Variants in NPC1 observed in about 807,000 individuals in gnomAD.
NPC1 encodes NPC intracellular cholesterol transporter 1.
In NPC1, 85 loss-of-function variants were observed where a neutral mutation model predicts 140.4. The observed-to-expected ratio is 0.61, with a 90% CI of 0.51 to 0.72. The LOEUF is 0.72. Among genes scored for constraint, NPC1 ranks in the 30% least tolerant of loss-of-function variants. The pLI, the probability that NPC1 is intolerant of heterozygous loss-of-function variation, is 0.00. For missense variants in NPC1, 1,504 were observed against 1,623.8 expected (o/e 0.93, Z 1.27); for synonymous variants, 656 against 624.8 (o/e 1.05, Z -0.74).
intron 3 of NPC1, among the ~76,000 whole-genome samples, chr18:23,570,244 C>A (rs2059181631): frequency 6.6e-6 from 1 of 152,162 alleles, no homozygotes; most frequent in Non-Finnish European, 1.5e-5. Context: ...TATATTTTTC[C>A]AAATATCAGG....
intron 15 of NPC1, 25 bp from the exon 16 acceptor site, chr18:23,541,233 G>A (rs1447908439): frequency 6.2e-7 from 1 of 1,614,218 alleles, no homozygotes; most frequent in Non-Finnish European, 8.5e-7. Flanking sequence ...GGAAACAAAG[G>A]TTATACCCGC....
intron 3 of NPC1, among the ~76,000 whole-genome samples, chr18:23,515,009 C>T (rs2057962293): frequency 6.6e-6 from 1 of 152,072 alleles, no homozygotes; most frequent in African/African-American, 2.4e-5. Flanking sequence ...ATGAACACAT[C>T]TGCTAGAAGA....
chr18:23,529,546 G>A, downstream of NPC1: 7 of 1,328,362 alleles, frequency 5.3e-6, no homozygotes. Context: ...ATTTTAAGAT[G>A]GAAACAAGGT....
intron 4 of NPC1, among the ~76,000 whole-genome samples, chr18:23,568,215 A>G (rs2059153784): frequency 6.6e-6 from 1 of 152,204 alleles, no homozygotes; most frequent in Non-Finnish European, 1.5e-5. Flanking sequence ...TTTCTGGACA[A>G]AATGACCTCT....
At chr18:23,521,795 C>CAG (rs1479471129), downstream of NPC1, among the ~76,000 whole-genome samples, 1 of 151,940 alleles carries the variant, frequency 6.6e-6, no homozygotes, top group Non-Finnish European at 1.5e-5. Flanking sequence ...TCTGAGGCCT[C>CAG]CCTCCTGGCA....
downstream of NPC1, chr18:23,529,613 GAC>G: frequency 6.2e-7 from 1 of 1,604,514 alleles, no homozygotes; most frequent in Non-Finnish European, 8.5e-7. Context: ...GTATTTGTAA[GAC>G]CACATTTTTT....
chr18:23,507,667 G>C (rs1033283234), intron 3 of NPC1, among the ~76,000 whole-genome samples: 1 of 152,182 alleles, frequency 6.6e-6, no homozygotes, highest in Non-Finnish European at 1.5e-5. Flanking sequence ...AAGTGTTAAA[G>C]TCTTGGGGAA....
chr18:23,554,396 A>G (rs1297459680), intron 9 of NPC1, among the ~76,000 whole-genome samples: 1 of 152,186 alleles, frequency 6.6e-6, no homozygotes, highest in Non-Finnish European at 1.5e-5. Flanking sequence ...GCCTGAGGTC[A>G]GGAGATTGAG....
intron 2 of NPC1, among the ~76,000 whole-genome samples, chr18:23,573,233 TGA>T (rs1481484117): frequency 6.6e-6 from 1 of 152,216 alleles, no homozygotes; most frequent in Admixed American, 6.5e-5. Context: ...GGAAACTTTA[TGA>T]GAGGTATAAA....
In NPC1 at chr18:23,568,824, A is replaced by G; in HGVS notation, c.462T>C (p.Asn154=). The G allele has an allele frequency of 1.2e-6, 2 of 1,613,496 alleles. No homozygotes were observed. Among genetic ancestry groups the G allele is most frequent in the Non-Finnish European group, 1.7e-6 (2 of 1,179,440 alleles). ...AGGAATAATTAAAAGTTTACTTACCATTGGCAAAACTCTGTCCGACGTAGT... is the reference window on the plus strand; with the variant it reads ...AGGAATAATTAAAAGTTTACTTACCGTTGGCAAAACTCTGTCCGACGTAGT... ...LQYYVGQSFA[N]AMYNACRDVE... Residue 154 remains asparagine (N), a splice_region_variant and synonymous_variant, in exon 4 of 25, where the codon AAT becomes AAC. Coordinates refer to ENST00000269228, the MANE Select transcript of NPC1 (RefSeq NM_000271.5).
downstream of NPC1, chr18:23,530,303 T>G (rs2058452119): frequency 1.2e-6 from 2 of 1,614,098 alleles, no homozygotes; most frequent in Non-Finnish European, 1.7e-6. Context: ...TGAAGGTAAC[T>G]CTGATGTGTG....
At chr18:23,572,460 A>G (rs1160194731) in intron 2 of NPC1, among the ~76,000 whole-genome samples, 2 of 152,084 alleles carry the variant, frequency 1.3e-5, no homozygotes, top group African/African-American at 4.8e-5. Context: ...TGTTTGTTTG[A>G]TTCAATTCAA....
At chr18:23,567,343 G>GT (rs1374614928) in intron 4 of NPC1, among the ~76,000 whole-genome samples, 1 of 152,216 alleles carries the variant, frequency 6.6e-6, no homozygotes, top group African/African-American at 2.4e-5. Context: ...TAATAGATGT[G>GT]TAGTGGTATC....
chr18:23,544,598 T>TC, intron 12 of NPC1, 72 bp from the exon 13 acceptor site: 1 of 1,348,328 alleles, frequency 7.4e-7, no homozygotes, highest in Non-Finnish European at 1.1e-6. Context: ...TAAAAGGTCC[T>TC]CCTTTTTACT....
At chr18:23,548,608 A>T (rs780782772) in intron 10 of NPC1, among the ~76,000 whole-genome samples, 18 of 152,078 alleles carry the variant, frequency 1.2e-4, no homozygotes, top group Non-Finnish European at 2.6e-4. Context: ...TATCTTGGAG[A>T]CTGCTCCATA....
intron 6 of NPC1, among the ~76,000 whole-genome samples, chr18:23,559,663 T>C (rs1183060269): frequency 1.3e-5 from 2 of 150,634 alleles, no homozygotes; most frequent in East Asian, 2.1e-4. Context: ...AAAGAATGAG[T>C]GGCCGGCTGG....
At chr18:23,583,970 G>T (rs1222880469) in intron 1 of NPC1, among the ~76,000 whole-genome samples, 3 of 152,132 alleles carry the variant, frequency 2.0e-5, no homozygotes, top group African/African-American at 7.2e-5. Flanking sequence ...AGTCTTCTGA[G>T]GAAAAGCCAT....
At chr18:23,516,182 G>A in intron 3 of NPC1, 1 of 1,300,664 alleles carries the variant, frequency 7.7e-7, no homozygotes, top group South Asian at 1.3e-5. Context: ...GGGCAGACAG[G>A]CTGTGAGAGG....
At position 23,532,191 on chromosome 18, in the gene NPC1, C is replaced by T. The variant is rs372695667; in HGVS notation, c.*11G>A. Reference sequence around the variant, plus strand: ...TTAGACACAGTTCAGTCAGGATGCCCTGCGAGAGGGCTAGAAATTTAGAAG... The same window carrying T: ...TTAGACACAGTTCAGTCAGGATGCCTTGCGAGAGGGCTAGAAATTTAGAAG... On this transcript the variant is annotated 3_prime_UTR_variant, in exon 25 of 25. Coordinates refer to ENST00000269228, the MANE Select transcript of NPC1 (RefSeq NM_000271.5). 2 of 1,614,012 alleles carry T rather than the reference C, an allele frequency of 1.2e-6. No homozygotes were observed. The highest frequency in any genetic ancestry group is 1.7e-6 in the Non-Finnish European group (2 of 1,180,038).
Sources: gnomAD v4.1 joint callset for allele counts (sites outside exome capture counted in the v4.1 genomes callset) on GRCh38, gnomAD v4.1.1 for gene constraint, MANE v1.5 for transcripts, NCBI Gene and HGNC (gene_info 2026-07-23, HGNC 2026-07-21) for gene names.